The following PRKCE variants were observed in gnomAD, a reference collection of about 807,000 sequenced individuals.
PRKCE encodes protein kinase C epsilon, also known as protein kinase C epsilon type.
Under a neutral mutation model 85.4 loss-of-function variants are expected in PRKCE, and 16 were observed. That is an observed-to-expected ratio of 0.19 (90% confidence interval 0.13 to 0.28). PRKCE has a LOEUF of 0.28. Ranked by LOEUF, PRKCE falls within the 10% of genes least tolerant of loss-of-function variation. The pLI is 1.00. For synonymous variants in PRKCE, 388 were observed against 371.5 expected, an observed-to-expected ratio of 1.04 and a Z score of -0.51; for missense variants, 573 against 975.2, an observed-to-expected ratio of 0.59 and a Z score of 5.49.
At chr2:45,778,035 G>A (rs550708701) in intron 1 of PRKCE, among the ~76,000 whole-genome samples, 2 of 151,508 alleles carry the variant, frequency 1.3e-5, no homozygotes, top group South Asian at 4.2e-4. Flanking sequence ...ACTGGAGGGT[G>A]GGCTTTGGGA....
chr2:45,870,569 G>T (rs922102927), intron 2 of PRKCE, among the ~76,000 whole-genome samples: 83 of 152,300 alleles, frequency 5.4e-4, no homozygotes, highest in African/African-American at 1.9e-3. Context: ...CAGCCATGCA[G>T]AGCAGAATTT....
chr2:46,120,108 A>T (rs555888453), intron 11 of PRKCE, among the ~76,000 whole-genome samples: 8 of 152,352 alleles, frequency 5.3e-5, no homozygotes, highest in African/African-American at 1.9e-4. Flanking sequence ...TGAAGCTCAG[A>T]TAAAAAATAG....
rs115666806 is a variant in PRKCE, at chr2:45,898,467, C to T, written c.412+55404C>T. 4.7e-3 allele frequency among the ~76,000 whole-genome samples: 720 copies of T among 152,270 alleles called. 6 individuals are homozygous for T. The highest frequency in any genetic ancestry group is 0.016 in the African/African-American group (684 of 41,544). On this transcript the variant is annotated intron_variant, in intron 2 of 14. Transcript: ENST00000306156. ...AGATACTTGGATAACACTTAAGGAACAGAAAGCTACTCAGAGAGGACTGGG... is the reference window on the plus strand; with the variant it reads ...AGATACTTGGATAACACTTAAGGAATAGAAAGCTACTCAGAGAGGACTGGG...
At chr2:45,658,866 CT>C (rs941252100) in intron 1 of PRKCE, among the ~76,000 whole-genome samples, 6 of 152,148 alleles carry the variant, frequency 3.9e-5, no homozygotes, top group Non-Finnish European at 4.4e-5. Context: ...ACAAATTGCC[CT>C]TTGGAAGATA....
At chr2:46,028,606 G>A (rs767959461) in intron 10 of PRKCE, among the ~76,000 whole-genome samples, 4 of 152,148 alleles carry the variant, frequency 2.6e-5, no homozygotes, top group Non-Finnish European at 4.4e-5. Context: ...CATCACATAC[G>A]TAAATGTAAC....
intron 2 of PRKCE, among the ~76,000 whole-genome samples, chr2:45,923,164 G>C (rs1014768488): frequency 6.6e-5 from 10 of 152,224 alleles, no homozygotes; most frequent in African/African-American, 2.4e-4. Context: ...GCCTTGCTGA[G>C]TGGAGAGCAT....
chr2:46,086,494 G>C, intron 11 of PRKCE, 132 bp downstream of exon 11: 1 of 1,118,046 alleles, frequency 8.9e-7, no homozygotes, highest in South Asian at 1.7e-5. Flanking sequence ...GTTCCAATTT[G>C]CTTACAGAAG....
intron 1 of PRKCE, among the ~76,000 whole-genome samples, chr2:45,681,501 C>A (rs1050000618): frequency 1.5e-4 from 23 of 151,996 alleles, no homozygotes; most frequent in African/African-American, 5.6e-4. Flanking sequence ...CCCAGGTAGG[C>A]GTTTATGATG....
At chr2:45,946,123 G>T (rs1245981701) in intron 2 of PRKCE, among the ~76,000 whole-genome samples, 1 of 152,246 alleles carries the variant, frequency 6.6e-6, no homozygotes, top group Non-Finnish European at 1.5e-5. Context: ...ACCAACCAAG[G>T]TGGCCAGAGT....
intron 2 of PRKCE, among the ~76,000 whole-genome samples, chr2:45,875,599 G>T (rs13422150): frequency 0.055 from 8,353 of 152,246 alleles, 329 homozygotes; most frequent in African/African-American, 0.12. Flanking sequence ...TGAGTTTTTT[G>T]TTGTTGTTGT....
intron 2 of PRKCE, among the ~76,000 whole-genome samples, chr2:45,866,305 T>A (rs1693603448): frequency 6.6e-6 from 1 of 152,142 alleles, no homozygotes; most frequent in African/African-American, 2.4e-5. Context: ...ATTAATTAAT[T>A]GATTTTTATT....
intron 1 of PRKCE, among the ~76,000 whole-genome samples, chr2:45,761,791 G>T (rs1011265203): frequency 6.6e-6 from 1 of 152,100 alleles, no homozygotes; most frequent in Non-Finnish European, 1.5e-5. Context: ...CTGAGCCCTC[G>T]CTGCCATATT....
At chr2:45,847,504 C>T (rs1305712741) in intron 2 of PRKCE, among the ~76,000 whole-genome samples, 1 of 152,224 alleles carries the variant, frequency 6.6e-6, no homozygotes, top group Non-Finnish European at 1.5e-5. Flanking sequence ...ACCAGCTTCG[C>T]TTGGTTCTGA....
At chr2:45,928,269 A>G (rs1409260816) in intron 2 of PRKCE, among the ~76,000 whole-genome samples, 1 of 152,184 alleles carries the variant, frequency 6.6e-6, no homozygotes, top group East Asian at 1.9e-4. Flanking sequence ...TTTGAATATA[A>G]CTTTATACTT....
rs569651784 is a variant in PRKCE, at chr2:45,958,816, ATTTTTTTTTTTTTTTTTTT to A, written c.413-17592_413-17574del. Reference sequence around the variant, plus strand: ...CATATATATATATATATATATATATATTTTTTTTTTTTTTTTTTTTTTTTTTTTTTTTTTTTTTTAATAG... The same window carrying A: ...CATATATATATATATATATATATATATTTTTTTTTTTTTTTTTTTTAATAG... On this transcript the variant is annotated intron_variant, in intron 2 of 14. Coordinates refer to ENST00000306156, the MANE Select transcript of PRKCE (RefSeq NM_005400.3). 2.0e-3 allele frequency among the ~76,000 whole-genome samples: 37 copies of A among 18,144 alleles called. 1 individual carries two copies. The highest frequency in any genetic ancestry group is 8.2e-3 in the South Asian group (2 of 244). The allele number at this position is 18,144 out of a possible 152,430, so 11.9% of individuals were successfully genotyped here.
Position 45,679,550 on chromosome 2 carries a change from G to A in PRKCE, c.348+27102G>A, listed in dbSNP as rs149628700. On this transcript the variant is annotated intron_variant, in intron 1 of 14. Coordinates refer to ENST00000306156, the MANE Select transcript of PRKCE (RefSeq NM_005400.3). ...GACAATATGGACAGGAAGTACTGTG[G>A]ATCTAAGGAGGTCAAGCTCATGGGT... Among the ~76,000 whole-genome samples, 274 of 152,280 alleles carry A rather than the reference G, an allele frequency of 1.8e-3. 3 individuals carry two copies. The East Asian group carries it at 0.023, about 13-fold the overall frequency.
chr2:45,966,242 G>A (rs1453146513), intron 2 of PRKCE, among the ~76,000 whole-genome samples: 3 of 152,198 alleles, frequency 2.0e-5, no homozygotes, highest in African/African-American at 4.8e-5. Context: ...AATATGTAAT[G>A]TTGATACTTC....
intron 1 of PRKCE, among the ~76,000 whole-genome samples, chr2:45,702,696 C>G (rs1678749491): frequency 6.6e-6 from 1 of 151,376 alleles, no homozygotes; most frequent in Non-Finnish European, 1.5e-5. Context: ...TTTTTTTTCC[C>G]CCAAAATAAA....
chr2:46,145,784 A>G lies in PRKCE; in HGVS notation c.1731+553A>G, dbSNP rs989836425. Among the ~76,000 whole-genome samples the G allele has an allele frequency of 6.6e-6, 1 of 152,106 alleles. No homozygotes were observed. Among genetic ancestry groups the G allele is most frequent in the Non-Finnish European group, 1.5e-5 (1 of 68,014 alleles). On this transcript the variant is annotated intron_variant, in intron 12 of 14. Coordinates refer to ENST00000306156, the MANE Select transcript of PRKCE (RefSeq NM_005400.3). This position sits in a 1 kb window ranked among gnomAD's most constrained non-coding sequence, Gnocchi z 4.6. ...TTGGGAGGCTGAGGTGAAAGGATCA[A>G]TTGAGCCCAGAAGGTTGAGGCTATA...
Sources: gnomAD v4.1 joint callset for allele counts (sites outside exome capture counted in the v4.1 genomes callset) on GRCh38, gnomAD v4.1.1 for gene constraint, Gnocchi (gnomAD v3.1) non-coding constraint, MANE v1.5 for transcripts, NCBI Gene and HGNC (gene_info 2026-07-23, HGNC 2026-07-21) for gene names.